SPIDR: variants seen among roughly 807,000 people sequenced by gnomAD.
SPIDR encodes DNA repair-scaffolding protein.
Under a neutral mutation model 104.6 loss-of-function variants are expected in SPIDR, and 93 were observed. The observed-to-expected ratio is 0.89, with a 90% CI of 0.75 to 1.06. SPIDR has a LOEUF of 1.06. Among genes scored for constraint, SPIDR ranks in the 50% least tolerant of loss-of-function variants. The probability of loss-of-function intolerance (pLI) is 0.00; values close to 1 mark genes in which losing one functional copy is unlikely to be tolerated. For missense variants in SPIDR, 1,154 were observed against 1,111.2 expected, an observed-to-expected ratio of 1.04 and a Z score of -0.55; for synonymous variants, 431 against 416.9, an observed-to-expected ratio of 1.03 and a Z score of -0.41.
chr8:47,580,941 A>G (rs1346149304), intron 8 of SPIDR, among the ~76,000 whole-genome samples: 1 of 152,238 alleles, frequency 6.6e-6, no homozygotes, highest in East Asian at 1.9e-4. Context: ...ACCCTTGAAC[A>G]TGACAGTGTG....
chr8:47,421,996 G>A lies in SPIDR; in HGVS notation c.877+14035G>A, dbSNP rs569773388. Among the ~76,000 whole-genome samples, 58 of 152,326 alleles carry A rather than the reference G, an allele frequency of 3.8e-4. No individual in the cohort carries two copies. The East Asian group carries it at 8.9e-3, about 23-fold the overall frequency. The stretch of plus-strand genomic sequence containing the variant: ...TTTTGTCTCAGAGGAGTACCTGGCT[G>A]TGTGAGGTGTCAGTCTGCCCCTACT... On this transcript the variant is annotated intron_variant, in intron 7 of 19. Transcript: ENST00000297423.
chr8:47,411,964 T>C (rs1588365107), intron 7 of SPIDR, among the ~76,000 whole-genome samples: 2 of 152,210 alleles, frequency 1.3e-5, no homozygotes, highest in Non-Finnish European at 2.9e-5. Flanking sequence ...CAGATAGTTG[T>C]AGATATGCAG....
intron 8 of SPIDR, among the ~76,000 whole-genome samples, chr8:47,550,119 G>A (rs1027201010): frequency 6.6e-6 from 1 of 152,068 alleles, no homozygotes; most frequent in Non-Finnish European, 1.5e-5. Context: ...TATTCCATTG[G>A]TCTGTATCTC....
intron 10 of SPIDR, among the ~76,000 whole-genome samples, chr8:47,631,446 C>T (rs973436551): frequency 6.6e-6 from 1 of 152,150 alleles, no homozygotes; most frequent in African/African-American, 2.4e-5. Flanking sequence ...TTGCATATGG[C>T]ATGCATTAAT....
At chr8:47,348,755 GT>G (rs1158701710) in intron 5 of SPIDR, among the ~76,000 whole-genome samples, 1 of 152,172 alleles carries the variant, frequency 6.6e-6, no homozygotes, top group Non-Finnish European at 1.5e-5. Flanking sequence ...GCTGAAGCTT[GT>G]GCATGCGTCA....
At chr8:47,372,792 G>A (rs1233081071) in intron 5 of SPIDR, among the ~76,000 whole-genome samples, 1 of 152,050 alleles carries the variant, frequency 6.6e-6, no homozygotes, top group African/African-American at 2.4e-5. Flanking sequence ...CATACTAATG[G>A]TGATTGGGCT....
chr8:47,708,583 T>C (rs1403393330), intron 14 of SPIDR, among the ~76,000 whole-genome samples: 1 of 152,174 alleles, frequency 6.6e-6, no homozygotes, highest in Non-Finnish European at 1.5e-5. Flanking sequence ...TGTAATTTTA[T>C]GGGTTTGCAC....
At chr8:47,419,148 G>C (rs1027386518) in intron 7 of SPIDR, 3 of 152,124 alleles carry the variant, frequency 2.0e-5, no homozygotes, top group Non-Finnish European at 4.4e-5. Context: ...GAGTGAGGGA[G>C]GATTCCCTCT....
chr8:47,282,730 G>A (rs1035835971), intron 2 of SPIDR, among the ~76,000 whole-genome samples: 2 of 152,136 alleles, frequency 1.3e-5, no homozygotes, highest in African/African-American at 4.8e-5. Flanking sequence ...TTTCAATTTC[G>A]TTCAAGAGCT....
At chr8:47,683,537 G>C (rs1024201479) in intron 11 of SPIDR, among the ~76,000 whole-genome samples, 2 of 152,162 alleles carry the variant, frequency 1.3e-5, no homozygotes, top group South Asian at 4.1e-4. Context: ...AGTACAAGTT[G>C]AGCATCCCTT....
intron 3 of SPIDR, among the ~76,000 whole-genome samples, chr8:47,285,886 G>A (rs1390949824): frequency 1.3e-5 from 2 of 152,218 alleles, no homozygotes; most frequent in African/African-American, 4.8e-5. Flanking sequence ...CTAGCACACA[G>A]TGGGCACCCA....
At chr8:47,494,892 T>C (rs1238600585) in intron 8 of SPIDR, among the ~76,000 whole-genome samples, 2 of 152,164 alleles carry the variant, frequency 1.3e-5, no homozygotes, top group Non-Finnish European at 2.9e-5. Flanking sequence ...TTATGCATCT[T>C]TTAGTAGGGT....
At chr8:47,391,111 C>T (rs2060530350) in intron 5 of SPIDR, among the ~76,000 whole-genome samples, 1 of 152,246 alleles carries the variant, frequency 6.6e-6, no homozygotes, top group East Asian at 1.9e-4. Context: ...CCTCTCTGTC[C>T]GTGGTATGAG....
At chr8:47,722,494 G>C (rs1055956622) in intron 16 of SPIDR, among the ~76,000 whole-genome samples, 3 of 152,160 alleles carry the variant, frequency 2.0e-5, no homozygotes, top group Non-Finnish European at 4.4e-5. Context: ...TTAGCCAGAG[G>C]GGTTTTGTTC....
At chr8:47,569,662 G>T (rs1031644031) in intron 8 of SPIDR, among the ~76,000 whole-genome samples, 1 of 152,094 alleles carries the variant, frequency 6.6e-6, no homozygotes, top group African/African-American at 2.4e-5. Flanking sequence ...GCAAGAAAAG[G>T]AATTAAAAAG....
chr8:47,322,393 A>G (rs979197680), intron 5 of SPIDR, among the ~76,000 whole-genome samples: 1 of 152,246 alleles, frequency 6.6e-6, no homozygotes, highest in Non-Finnish European at 1.5e-5. Context: ...ATGAGATACC[A>G]TCTCACACCA....
intron 10 of SPIDR, among the ~76,000 whole-genome samples, chr8:47,607,113 T>C (rs1006894480): frequency 6.6e-6 from 1 of 152,236 alleles, no homozygotes; most frequent in Admixed American, 6.5e-5. Context: ...TTCTGAAGTC[T>C]CTTTGCTTCT....
chr8:47,338,839 C>T (rs555992735), intron 5 of SPIDR, among the ~76,000 whole-genome samples: 17 of 152,248 alleles, frequency 1.1e-4, no homozygotes, highest in Non-Finnish European at 2.2e-4. Context: ...TAGTCCTGCT[C>T]AAATTTATGT....
At chr8:47,438,346 A>T (rs1441328531) in intron 7 of SPIDR, among the ~76,000 whole-genome samples, 5 of 152,178 alleles carry the variant, frequency 3.3e-5, no homozygotes, top group African/African-American at 1.2e-4. Context: ...TTATGTCTCA[A>T]AATGCTCCTG....
Sources: gnomAD v4.1 joint callset for allele counts (sites outside exome capture counted in the v4.1 genomes callset) on GRCh38, gnomAD v4.1.1 for gene constraint, MANE v1.5 for transcripts, NCBI Gene and HGNC (gene_info 2026-07-23, HGNC 2026-07-21) for gene names.